Variants in MERTK observed in about 807,000 individuals in gnomAD.
MERTK encodes MER proto-oncogene, tyrosine kinase.
MERTK carries 69 observed loss-of-function variants against 99.3 expected under a neutral mutation model. That is an observed-to-expected ratio of 0.70 (90% CI 0.57 to 0.85). MERTK has a LOEUF of 0.85. Among genes scored for constraint, MERTK ranks in the 40% least tolerant of loss-of-function variants. MERTK has a pLI of 0.00. For synonymous variants in MERTK, 426 were observed against 467.6 expected, an observed-to-expected ratio of 0.91 and a Z score of 1.15; for missense variants, 1,125 against 1,249.4, an observed-to-expected ratio of 0.90 and a Z score of 1.50.
At chr2:111,989,966 T>C (rs919451194) in intron 8 of MERTK, among the ~76,000 whole-genome samples, 2 of 152,110 alleles carry the variant, frequency 1.3e-5, no homozygotes, top group African/African-American at 4.8e-5. Flanking sequence ...CAATGAAAAA[T>C]ATGCAGTTGG....
intron 7 of MERTK, among the ~76,000 whole-genome samples, chr2:111,976,454 C>G (rs1332691576): frequency 6.6e-6 from 1 of 151,878 alleles, no homozygotes; most frequent in Non-Finnish European, 1.5e-5. Context: ...GCGTAAAGCA[C>G]CCAACATCAT....
In MERTK at chr2:111,968,194, T is replaced by C; in HGVS notation, c.902T>C (p.Leu301Pro). ...SIRNSTAHSI[L>P]ISWVPGFDGY... ...CGTAACAGCACTGCACACAGCATTC[T>C]GATCTCCTGGGTTCCTGGTTTTGAT... is the stretch of plus-strand genomic sequence containing the variant. The change falls in exon 6 of 19, where the codon CTG (leucine) becomes CCG (proline). Residue 301 changes from leucine (L) to proline (P), a missense_variant. Physicochemically the swap from Leu to Pro is moderately conservative, Grantham distance 98. Transcript: ENST00000295408. 2 of 1,614,130 alleles carry C rather than the reference T, an allele frequency of 1.2e-6. No homozygotes were observed. The highest frequency in any genetic ancestry group is 1.7e-6 in the Non-Finnish European group (2 of 1,180,002).
At chr2:111,971,970 T>A (rs1321015018) in intron 6 of MERTK, among the ~76,000 whole-genome samples, 2 of 152,144 alleles carry the variant, frequency 1.3e-5, no homozygotes, top group Non-Finnish European at 2.9e-5. Flanking sequence ...CATGTTCTTT[T>A]GGGGCTCTGT....
At chr2:111,982,775 C>A in intron 7 of MERTK, 67 bp from the exon 8 acceptor site, 2 of 1,564,544 alleles carry the variant, frequency 1.3e-6, no homozygotes. Context: ...CACTTGAAAA[C>A]CCAGATGAGA....
At chr2:112,012,510 CTGAGGG>C (rs1300717625) in intron 15 of MERTK, among the ~76,000 whole-genome samples, 1 of 152,126 alleles carries the variant, frequency 6.6e-6, no homozygotes, top group Non-Finnish European at 1.5e-5. Context: ...TAGTTGTTCA[CTGAGGG>C]TGAACATGCT....
chr2:112,023,906 C>T (rs1379888329), intron 18 of MERTK, among the ~76,000 whole-genome samples: 1 of 152,130 alleles, frequency 6.6e-6, no homozygotes, highest in Admixed American at 6.5e-5. Context: ...CACAGACACA[C>T]ACACACACGC....
chr2:112,022,138 A>G (rs192137735), intron 17 of MERTK, 120 bp from the exon 18 acceptor site: 133 of 1,419,092 alleles, frequency 9.4e-5, no homozygotes, highest in East Asian at 8.8e-4. Flanking sequence ...CGTCTCACAC[A>G]TAATTGCCAG....
intron 2 of MERTK, among the ~76,000 whole-genome samples, chr2:111,942,491 G>A (rs1309120865): frequency 1.3e-5 from 2 of 152,152 alleles, no homozygotes; most frequent in Non-Finnish European, 2.9e-5. Context: ...ATGATATCCA[G>A]GGGGCTACCA....
intron 17 of MERTK, 30 bp downstream of exon 17, chr2:112,021,611 C>G: frequency 6.3e-7 from 1 of 1,583,882 alleles, no homozygotes; most frequent in Non-Finnish European, 8.7e-7. Context: ...TCAGGGGTCC[C>G]ACAGCACAAA....
rs547314084 is a variant in MERTK, at chr2:112,023,281, G to T, written c.2486+887G>T. ...TACAAAAAATTAGCCGGGTGTGGTGGCGGGCGCCTGTAGTCCCAGCTACTC... is the reference window on the plus strand; with the variant it reads ...TACAAAAAATTAGCCGGGTGTGGTGTCGGGCGCCTGTAGTCCCAGCTACTC... On this transcript the variant is annotated intron_variant, in intron 18 of 18. Transcript: ENST00000295408. Among the ~76,000 whole-genome samples the T allele has an allele frequency of 6.7e-4, 102 of 152,206 alleles. 1 individual carries two copies. Among genetic ancestry groups the T allele is most frequent in the African/African-American group, 2.2e-3 (91 of 41,528 alleles).
chr2:111,935,436 G>T (rs1047381770), intron 2 of MERTK, among the ~76,000 whole-genome samples: 1 of 152,158 alleles, frequency 6.6e-6, no homozygotes, highest in Non-Finnish European at 1.5e-5. Flanking sequence ...CAGGACTGGG[G>T]GAGGTACACT....
At chr2:111,993,140 G>T (rs199588763) in intron 8 of MERTK, among the ~76,000 whole-genome samples, 3 of 22,964 alleles carry the variant, frequency 1.3e-4, no homozygotes, top group Non-Finnish European at 2.0e-4. Flanking sequence ...TGACTATTGT[G>T]GTGTGGGAGC....
At chr2:111,983,081 G>A in intron 8 of MERTK, 88 bp downstream of exon 8, 1 of 1,511,700 alleles carries the variant, frequency 6.6e-7, no homozygotes, top group Non-Finnish European at 9.2e-7. Flanking sequence ...ATTTGGTTTT[G>A]AAAAGACCTG....
At chr2:112,021,676 C>A in intron 17 of MERTK, 95 bp downstream of exon 17, 2 of 1,163,628 alleles carry the variant, frequency 1.7e-6, no homozygotes, top group Non-Finnish European at 2.5e-6. Flanking sequence ...ACATTTTACT[C>A]TTTGATAAAC....
chr2:111,956,055 C>A (rs905170385), intron 4 of MERTK, among the ~76,000 whole-genome samples: 1 of 151,724 alleles, frequency 6.6e-6, no homozygotes, highest in South Asian at 2.1e-4. Flanking sequence ...CAACATGGCA[C>A]ATGTATACAT....
At chr2:112,007,014 T>TTTA (rs1263387652) in intron 13 of MERTK, among the ~76,000 whole-genome samples, 1 of 94,720 alleles carries the variant, frequency 1.1e-5, no homozygotes, top group African/African-American at 3.6e-5. Context: ...AAGCCAGACT[T>TTTA]TTTATTTGTT....
At chr2:111,945,406 G>T (rs550260703) in intron 3 of MERTK, among the ~76,000 whole-genome samples, 5 of 152,178 alleles carry the variant, frequency 3.3e-5, no homozygotes, top group Non-Finnish European at 7.3e-5. Context: ...TTCCAGTACT[G>T]GTACCAGATA....
chr2:111,944,007 C>T (rs1206881481), intron 2 of MERTK, among the ~76,000 whole-genome samples: 1 of 151,968 alleles, frequency 6.6e-6, no homozygotes, highest in Non-Finnish European at 1.5e-5. Context: ...CCATAGAAAT[C>T]AAGACAGGTG....
At chr2:111,978,378 A>C (rs7605527) in intron 7 of MERTK, among the ~76,000 whole-genome samples, 93,997 of 151,902 alleles carry the variant, frequency 0.62, 29,455 homozygotes, top group Middle Eastern at 0.69. Context: ...CTCCTGACTT[A>C]AGGTGATCTG....
Sources: gnomAD v4.1 joint callset for allele counts (sites outside exome capture counted in the v4.1 genomes callset) on GRCh38, gnomAD v4.1.1 for gene constraint, MANE v1.5 for transcripts, NCBI Gene and HGNC (gene_info 2026-07-23, HGNC 2026-07-21) for gene names.